TYROBP: variants seen among roughly 807,000 people sequenced by gnomAD.
TYROBP encodes the protein transmembrane immune signaling adaptor TYROBP.
A neutral mutation model predicts 17.1 loss-of-function variants in TYROBP; 14 were observed. The observed-to-expected ratio is 0.82, with a 90% CI of 0.54 to 1.28. The LOEUF is 1.28. Ranked by LOEUF, TYROBP falls within the 50% of genes most tolerant of loss-of-function variation. TYROBP has a pLI of 0.00. For missense variants in TYROBP, 161 were observed against 151.4 expected (o/e 1.06, Z -0.33); for synonymous variants, 73 against 67.4 (o/e 1.08, Z -0.41).
At chr19:35,904,942 C>T (rs996785539) in intron 4 of TYROBP, among the ~76,000 whole-genome samples, 1 of 149,932 alleles carries the variant, frequency 6.7e-6, no homozygotes, top group Non-Finnish European at 1.5e-5. Context: ...TAGTTTCTTC[C>T]CCCCACACTC....
chr19:35,907,520 A>G lies in TYROBP; in HGVS notation c.155T>C (p.Val52Ala). ...VLAGIVMGDL[V>A]LTVLIALAVY... ...GGCCAGGGCAATGAGCACTGTCAGC[A>G]CCAGGTCTCCCATCACGATCCCTGC... is the stretch of plus-strand genomic sequence containing the variant. The change falls in exon 3 of 5, where the codon GTG becomes GCG. Residue 52 changes from valine (V) to alanine (A), a missense_variant. Physicochemically the swap from Val to Ala is moderately conservative, Grantham distance 64 (BLOSUM62 0). Transcript: ENST00000262629. The G allele has an allele frequency of 6.2e-7, 1 of 1,613,714 alleles. No homozygotes were observed. The highest frequency in any genetic ancestry group is 8.5e-7 in the Non-Finnish European group (1 of 1,179,752).
intron 4 of TYROBP, 63 bp downstream of exon 4, chr19:35,907,155 A>G: frequency 6.7e-7 from 1 of 1,486,786 alleles, no homozygotes. Flanking sequence ...GGCATGAAGG[A>G]GTATCTGGGG....
At chr19:35,907,644 C>T in intron 2 of TYROBP, 64 bp from the exon 3 acceptor site, 4 of 1,612,924 alleles carry the variant, frequency 2.5e-6, no homozygotes, top group Non-Finnish European at 3.4e-6. Flanking sequence ...GGGTCAGCGG[C>T]AGGGAGGTTT....
At chr19:35,907,629 GA>G (rs1220274686) in intron 2 of TYROBP, 49 bp from the exon 3 acceptor site, 3 of 1,613,560 alleles carry the variant, frequency 1.9e-6, no homozygotes, top group Non-Finnish European at 2.5e-6. Flanking sequence ...GAACTGTGGG[GA>G]GGGGGGTCAG....
intron 4 of TYROBP, 97 bp from the exon 5 acceptor site, chr19:35,904,731 A>G (rs1975677413): frequency 5.5e-6 from 6 of 1,100,198 alleles, no homozygotes; most frequent in South Asian, 5.3e-5. Flanking sequence ...CTTCAGCCTT[A>G]TAGCCATGAA....
At chr19:35,905,263 T>C (rs1038818635) in intron 4 of TYROBP, among the ~76,000 whole-genome samples, 12 of 152,176 alleles carry the variant, frequency 7.9e-5, no homozygotes, top group Non-Finnish European at 1.6e-4. Context: ...GTGAGGTGAA[T>C]AGGCAAAGCT....
chr19:35,908,027 G>C, intron 1 of TYROBP, 141 bp downstream of exon 1: 1 of 844,656 alleles, frequency 1.2e-6, no homozygotes. Flanking sequence ...GGCTCTGGGA[G>C]AAACCCACAG....
Position 35,907,478 on chromosome 19 carries a change from C to T in TYROBP, c.197G>A (p.Arg66Gln), listed in dbSNP as rs1474280366. The stretch of plus-strand genomic sequence containing the variant: ...AGCCCCTCGCCCCCGAGGGACCAGC[C>T]GGCCCAGGAAGTACACGGCCAGGGC... ...LIALAVYFLG[R>Q]LVPRGRGAAE... The change falls in exon 3 of 5, where the codon CGG (arginine) becomes CAG (glutamine). Residue 66 changes from arginine to glutamine, a missense_variant. Coordinates refer to ENST00000262629, the MANE Select transcript of TYROBP (RefSeq NM_003332.4). 8 of 1,613,472 alleles carry T rather than the reference C, an allele frequency of 5.0e-6. No individual in the cohort carries two copies. The highest frequency in any genetic ancestry group is 1.3e-5 in the African/African-American group (1 of 74,862).
intron 4 of TYROBP, among the ~76,000 whole-genome samples, chr19:35,905,422 G>A (rs554589565): frequency 6.6e-6 from 1 of 152,280 alleles, no homozygotes; most frequent in Non-Finnish European, 1.5e-5. Flanking sequence ...CAGGGGAGAG[G>A]TCTTAGAGAA....
intron 1 of TYROBP, 108 bp from the exon 2 acceptor site, chr19:35,907,870 G>T (rs1975769815): frequency 2.6e-5 from 31 of 1,188,672 alleles, no homozygotes; most frequent in Non-Finnish European, 3.8e-5. Flanking sequence ...AGGTTAGCAA[G>T]GGGGAGAGCG....
At position 35,907,520 on chromosome 19, in the gene TYROBP, A is replaced by C. The variant is rs1366189959; in HGVS notation, c.155T>G (p.Val52Gly). The C allele has an allele frequency of 6.2e-7, 1 of 1,613,714 alleles. No homozygotes were observed. Among genetic ancestry groups the C allele is most frequent in the South Asian group, 1.1e-5 (1 of 91,074 alleles). The change falls in exon 3 of 5, where the codon GTG (valine) becomes GGG (glycine). Residue 52 changes from valine to glycine, a missense_variant. Transcript: ENST00000262629. ...VLAGIVMGDL[V>G]LTVLIALAVY... ...GGCCAGGGCAATGAGCACTGTCAGC[A>C]CCAGGTCTCCCATCACGATCCCTGC...
Position 35,908,178 on chromosome 19 carries a change from C to CAGCAGGAGAGGCAGG in TYROBP, c.36_50dup (p.Leu13_Leu17dup). ...AAGCCCCTAACTCACCACTTACAGC[C>CAGCAGGAGAGGCAGG]AGCAGGAGAGGCAGGAGCAGGAGCC... is the stretch of plus-strand genomic sequence containing the variant. On this transcript the variant is annotated inframe_insertion, in exon 1 of 5. Coordinates refer to ENST00000262629, the MANE Select transcript of TYROBP (RefSeq NM_003332.4). The CAGCAGGAGAGGCAGG allele has an allele frequency of 1.2e-6, 2 of 1,613,974 alleles. No homozygotes were observed. The highest frequency in any genetic ancestry group is 1.7e-6 in the Non-Finnish European group (2 of 1,179,976).
intron 4 of TYROBP, 119 bp downstream of exon 4, chr19:35,907,099 A>G (rs1384481001): frequency 1.0e-6 from 1 of 989,536 alleles, no homozygotes; most frequent in Non-Finnish European, 1.6e-6. Context: ...TGTGCCTTCA[A>G]GGTTTGGGGG....
chr19:35,907,176 T>C, intron 4 of TYROBP, 42 bp downstream of exon 4: 1 of 1,566,102 alleles, frequency 6.4e-7, no homozygotes, highest in East Asian at 2.3e-5. Flanking sequence ...CAGATATCCC[T>C]GGCAGGAGTG....
Position 35,907,256 on chromosome 19 carries a change from G to A in TYROBP, c.238C>T (p.Arg80Trp), listed in dbSNP as rs140188939. ...TCGGTCTCAGTGATACGCTGTTTCC[G>A]GGTCGCTGCTGGAGGTGAGGGGTGT... is the stretch of plus-strand genomic sequence containing the variant. ...RGRGAAEAATRKQRITETESP... is the reference protein window; with the variant it reads ...RGRGAAEAATWKQRITETESP... Residue 80 changes from arginine to tryptophan, a missense_variant, in exon 4 of 5, where the codon CGG becomes TGG. By Grantham distance (101) the Arg-to-Trp change is moderately radical. Transcript: ENST00000262629. 2.3e-4 allele frequency: 372 copies of A among 1,609,566 alleles called. 1 individual carries two copies. The African/African-American group carries it at 3.8e-3, about 17-fold the overall frequency.
intron 4 of TYROBP, among the ~76,000 whole-genome samples, chr19:35,905,441 C>G (rs1267941091): frequency 6.6e-6 from 1 of 152,052 alleles, no homozygotes; most frequent in Non-Finnish European, 1.5e-5. Flanking sequence ...AATCTCATGA[C>G]CCCCTAAAGG....
chr19:35,908,214 T>C lies in TYROBP; in HGVS notation c.15A>G (p.Glu5=). The C allele has an allele frequency of 6.2e-7, 1 of 1,613,498 alleles. No homozygotes were observed. Among genetic ancestry groups the C allele is most frequent in the Non-Finnish European group, 8.5e-7 (1 of 1,179,892 alleles). The change falls in exon 1 of 5, where the codon GAA becomes GAG. Residue 5 remains glutamate, a synonymous_variant. Transcript: ENST00000262629. The stretch of plus-strand genomic sequence containing the variant: ...GCAGGAGCAGGAGCCTGCTGCAGGG[T>C]TCAAGTCCCCCCATGAAGCCGGATG... MGGL[E]PCSRLLLLPL...
intron 4 of TYROBP, among the ~76,000 whole-genome samples, chr19:35,905,539 A>C (rs1415296392): frequency 1.3e-5 from 2 of 152,040 alleles, no homozygotes; most frequent in Admixed American, 6.6e-5. Context: ...TCAGCCAGGC[A>C]TGGTGACTCA....
chr19:35,906,827 A>T (rs1975736571), intron 4 of TYROBP, among the ~76,000 whole-genome samples: 1 of 151,848 alleles, frequency 6.6e-6, no homozygotes, highest in South Asian at 2.1e-4. Flanking sequence ...TCCTGGGTCA[A>T]AGGATTCTCC....
Sources: allele counts gnomAD v4.1 joint callset (sites outside exome capture counted in the v4.1 genomes callset), GRCh38; gene constraint gnomAD v4.1.1; transcripts MANE v1.5; gene names NCBI Gene and HGNC (gene_info 2026-07-23, HGNC 2026-07-21).